The following BRD10 variants were observed in gnomAD, a reference collection of about 807,000 sequenced individuals.
The protein encoded by BRD10 is uncharacterized bromodomain-containing protein 10.
the BRD10 span, among the ~76,000 whole-genome samples, chr9:5,991,411 C>T: frequency 6.6e-6 from 1 of 152,026 alleles, no homozygotes; most frequent in Non-Finnish European, 1.5e-5. Flanking sequence ...CATATAGTAA[C>T]CCAGGTAATC....
chr9:5,892,479 CAAGAG>C, the BRD10 span: 1 of 1,613,380 alleles, frequency 6.2e-7, no homozygotes. Flanking sequence ...TACAAGATGC[CAAGAG>C]AAGATGCTCA....
At chr9:5,957,050 G>T in the BRD10 span, among the ~76,000 whole-genome samples, 1 of 152,194 alleles carries the variant, frequency 6.6e-6, no homozygotes, top group Admixed American at 6.5e-5. Context: ...CACTGACAAC[G>T]ATTTTAAATA....
chr9:5,886,915 C>CA, the BRD10 span, among the ~76,000 whole-genome samples: 187 of 152,266 alleles, frequency 1.2e-3, 1 homozygote, highest in African/African-American at 4.4e-3. Context: ...CTCAAAGACC[C>CA]AAAGGGATGC....
chr9:5,992,411 C>A, the BRD10 span, among the ~76,000 whole-genome samples: 1 of 152,170 alleles, frequency 6.6e-6, no homozygotes, highest in African/African-American at 2.4e-5. Flanking sequence ...AAACATGTTA[C>A]TATCTACTTG....
chr9:6,006,858 G>C, the BRD10 span, among the ~76,000 whole-genome samples: 1 of 152,200 alleles, frequency 6.6e-6, no homozygotes, highest in African/African-American at 2.4e-5. Flanking sequence ...TCTAAAAGTT[G>C]CAGGTCCAAC....
chr9:5,949,114 C>CAA, the BRD10 span, among the ~76,000 whole-genome samples: 1 of 151,600 alleles, frequency 6.6e-6, no homozygotes, highest in Non-Finnish European at 1.5e-5. Context: ...AAAAGTGAAA[C>CAA]AAAAAGCGGA....
the BRD10 span, chr9:5,919,249 ATT>A: frequency 1.0e-4 from 15 of 150,280 alleles, no homozygotes; most frequent in African/African-American, 3.2e-4. Flanking sequence ...ATATATATGT[ATT>A]TTTTTTTTTA....
the BRD10 span, among the ~76,000 whole-genome samples, chr9:5,908,076 T>C: frequency 1.3e-5 from 2 of 152,184 alleles, no homozygotes; most frequent in Admixed American, 1.3e-4. Context: ...CAAATTACTG[T>C]GTTTGATTCT....
the BRD10 span, chr9:5,923,348 C>T: frequency 2.8e-6 from 4 of 1,444,790 alleles, no homozygotes; most frequent in Non-Finnish European, 3.8e-6. Context: ...TTATATAAAA[C>T]AGCAACTAAA....
At chr9:5,963,668 C>A in the BRD10 span, among the ~76,000 whole-genome samples, 1 of 152,254 alleles carries the variant, frequency 6.6e-6, no homozygotes, top group Non-Finnish European at 1.5e-5. Flanking sequence ...TACAAGGCTA[C>A]AGTAACCAAA....
At chr9:6,002,286 C>T in the BRD10 span, among the ~76,000 whole-genome samples, 1 of 152,184 alleles carries the variant, frequency 6.6e-6, no homozygotes, top group South Asian at 2.1e-4. Context: ...AAAACATTTT[C>T]TGAACCTTCT....
the BRD10 span, among the ~76,000 whole-genome samples, chr9:6,000,329 T>G: frequency 6.6e-6 from 1 of 152,190 alleles, no homozygotes; most frequent in Non-Finnish European, 1.5e-5. Flanking sequence ...TTCTGGTAAC[T>G]TAACATGAAT....
At chr9:5,906,920 A>C in the BRD10 span, 1 of 1,597,404 alleles carries the variant, frequency 6.3e-7, no homozygotes, top group Non-Finnish European at 8.5e-7. Flanking sequence ...AATGTGCCTT[A>C]ACAAGAAGAT....
At chr9:5,881,859 G>A in the BRD10 span, among the ~76,000 whole-genome samples, 3 of 152,192 alleles carry the variant, frequency 2.0e-5, no homozygotes, top group African/African-American at 4.8e-5. Context: ...CTGAGTGACG[G>A]TTTAGTTCAC....
chr9:5,961,919 C>A, the BRD10 span, among the ~76,000 whole-genome samples: 6 of 150,870 alleles, frequency 4.0e-5, no homozygotes, highest in Non-Finnish European at 7.4e-5. Flanking sequence ...TTGATCCTTT[C>A]AAAAAACCAG....
the BRD10 span, among the ~76,000 whole-genome samples, chr9:5,974,473 T>C: frequency 6.6e-6 from 1 of 152,274 alleles, no homozygotes; most frequent in South Asian, 2.1e-4. Flanking sequence ...CAGCGATCCA[T>C]GACACATTAG....
the BRD10 span, among the ~76,000 whole-genome samples, chr9:5,880,135 G>A: frequency 1.3e-5 from 2 of 151,668 alleles, no homozygotes; most frequent in Non-Finnish European, 1.5e-5. Context: ...TGGCCAGGCT[G>A]GTCTCACTCC....
the BRD10 span, among the ~76,000 whole-genome samples, chr9:5,906,198 A>G: frequency 4.6e-5 from 7 of 151,002 alleles, no homozygotes; most frequent in African/African-American, 1.7e-4. Flanking sequence ...AAAAAAAAAA[A>G]AGAAAGAAAG....
chr9:5,897,523 A>G, the BRD10 span: 46 of 1,567,378 alleles, frequency 2.9e-5, no homozygotes, highest in African/African-American at 4.5e-4. Context: ...CAATGTTTCA[A>G]TGACAAAGTG....
Sources: allele counts gnomAD v4.1 joint callset (sites outside exome capture counted in the v4.1 genomes callset), GRCh38; gene constraint gnomAD v4.1.1; transcripts MANE v1.5; gene names NCBI Gene and HGNC (gene_info 2026-07-23, HGNC 2026-07-21).